Variants in SCAF4 observed in about 807,000 individuals in gnomAD.
The protein encoded by SCAF4 is SR-related CTD associated factor 4.
A neutral mutation model predicts 129.8 loss-of-function variants in SCAF4; 25 were observed. The observed-to-expected ratio is 0.19, with a 90% confidence interval of 0.14 to 0.27. The LOEUF (loss-of-function observed/expected upper bound fraction) is 0.27. Among genes scored for constraint, SCAF4 ranks in the 10% least tolerant of loss-of-function variants. SCAF4 has a pLI of 1.00. For synonymous variants in SCAF4, 551 were observed against 497.7 expected, an observed-to-expected ratio of 1.11 and a Z score of -1.43; for missense variants, 1,246 against 1,457.1, an observed-to-expected ratio of 0.86 and a Z score of 2.36.
chr21:31,682,396 C>T (rs2050017835), intron 19 of SCAF4, among the ~76,000 whole-genome samples: 1 of 151,836 alleles, frequency 6.6e-6, no homozygotes, highest in Non-Finnish European at 1.5e-5. Context: ...AAAAAGTTTG[C>T]TTCCTCTGTC....
intron 11 of SCAF4, 41 bp from the exon 12 acceptor site, chr21:31,693,525 C>A (rs768699840): frequency 4.5e-5 from 59 of 1,301,730 alleles, no homozygotes; most frequent in Non-Finnish European, 5.9e-5. Context: ...AGCATATAGA[C>A]AAAAACCAGA....
At position 31,731,734 on chromosome 21, in the gene SCAF4, A is replaced by G. The variant is rs2051366389; in HGVS notation, c.-42T>C. The G allele has an allele frequency of 6.4e-7, 1 of 1,559,426 alleles. No homozygotes were observed. Among genetic ancestry groups the G allele is most frequent in the Non-Finnish European group, 8.6e-7 (1 of 1,160,334 alleles). Reference sequence around the variant, plus strand: ...CGGCTGCTCCGGGCCCGCCGGTCACATAGACCTCGCGCCGCGGCGGAGCGG... The same window carrying G: ...CGGCTGCTCCGGGCCCGCCGGTCACGTAGACCTCGCGCCGCGGCGGAGCGG... On this transcript the variant is annotated 5_prime_UTR_variant, in exon 1 of 20. An upstream start codon of the reference 5' UTR is lost. Coordinates refer to ENST00000286835, the MANE Select transcript of SCAF4 (RefSeq NM_020706.2).
intron 15 of SCAF4, among the ~76,000 whole-genome samples, chr21:31,690,235 A>G (rs897763937): frequency 6.6e-6 from 1 of 152,170 alleles, no homozygotes; most frequent in Non-Finnish European, 1.5e-5. Context: ...CTGTAATGCC[A>G]ACTCTATGGG....
intron 1 of SCAF4, among the ~76,000 whole-genome samples, chr21:31,726,351 C>T (rs1259341621): frequency 6.6e-6 from 1 of 152,128 alleles, no homozygotes; most frequent in African/African-American, 2.4e-5. Context: ...GGCGGTGGCC[C>T]TTAACCTTTA....
At chr21:31,699,736 TCAAA>T (rs2050476548) in intron 7 of SCAF4, among the ~76,000 whole-genome samples, 1 of 152,234 alleles carries the variant, frequency 6.6e-6, no homozygotes, top group African/African-American at 2.4e-5. Context: ...GTTCTGATTT[TCAAA>T]CTTTTGAGTT....
chr21:31,684,154 A>T (rs1409128338), intron 19 of SCAF4: 1 of 153,516 alleles, frequency 6.5e-6, no homozygotes, highest in Non-Finnish European at 1.5e-5. Context: ...TCTTTCCTAA[A>T]ACAACTCAGA....
In SCAF4 at chr21:31,702,320, A is replaced by T. The variant is rs2202128; in HGVS notation, c.381T>A (p.Ile127=). 11 of 1,613,956 alleles carry T rather than the reference A, an allele frequency of 6.8e-6. No individual in the cohort carries two copies. The highest frequency in any genetic ancestry group is 1.7e-5 in the Admixed American group (1 of 60,000). ...CTGCCATGTCCAAAAGAGGTTGAAT[A>T]ATTTCAATTTTGAACACTCCATTTT... ...WQKNGVFKIE[I]IQPLLDMAAG... The change falls in exon 5 of 20, where the codon ATT becomes ATA. Residue 127 remains isoleucine, a synonymous_variant. Transcript: ENST00000286835.
chr21:31,712,540 T>C (rs1445023709), intron 1 of SCAF4, among the ~76,000 whole-genome samples: 2 of 142,874 alleles, frequency 1.4e-5, no homozygotes, highest in African/African-American at 5.3e-5. Context: ...TTTTTTTTTT[T>C]TTTTTGAGAC....
intron 7 of SCAF4, among the ~76,000 whole-genome samples, chr21:31,700,062 G>C (rs778913117): frequency 1.3e-5 from 2 of 151,822 alleles, no homozygotes; most frequent in African/African-American, 4.8e-5. Flanking sequence ...CTGGGGCCAA[G>C]CAACCCACCC....
chr21:31,684,923 G>A, intron 19 of SCAF4, 126 bp downstream of exon 19: 2 of 584,522 alleles, frequency 3.4e-6, no homozygotes, highest in South Asian at 4.1e-5. Flanking sequence ...AACCAAAAAA[G>A]CCAGTCTTGG....
intron 1 of SCAF4, among the ~76,000 whole-genome samples, chr21:31,714,192 G>C (rs764102931): frequency 6.6e-6 from 1 of 152,022 alleles, no homozygotes; most frequent in Admixed American, 6.6e-5. Flanking sequence ...GGAATGACTC[G>C]TACTATGTCA....
chr21:31,710,354 G>C (rs1316126826), intron 1 of SCAF4, among the ~76,000 whole-genome samples: 1 of 151,990 alleles, frequency 6.6e-6, no homozygotes, highest in Admixed American at 6.6e-5. Context: ...TTCGAGACCG[G>C]CCTGGCCAAC....
intron 8 of SCAF4, 126 bp downstream of exon 8, chr21:31,696,443 A>T: frequency 6.6e-6 from 7 of 1,057,230 alleles, no homozygotes; most frequent in Non-Finnish European, 9.2e-6. Context: ...TCAAGAGAAA[A>T]CTAATACCAC....
intron 6 of SCAF4, 31 bp downstream of exon 6, chr21:31,701,745 A>G (rs938389922): frequency 1.3e-6 from 2 of 1,586,122 alleles, no homozygotes; most frequent in Non-Finnish European, 1.7e-6. Flanking sequence ...CTAGTCCTGC[A>G]AACAATTTCA....
At chr21:31,726,054 T>C (rs2051194423) in intron 1 of SCAF4, among the ~76,000 whole-genome samples, 1 of 151,862 alleles carries the variant, frequency 6.6e-6, no homozygotes, top group South Asian at 2.1e-4. Context: ...CTTAACTTTT[T>C]TTTTTTTTTG....
intron 1 of SCAF4, among the ~76,000 whole-genome samples, chr21:31,717,930 CACACACACACACACACAT>C (rs2050975551): frequency 6.2e-5 from 9 of 145,096 alleles, no homozygotes; most frequent in African/African-American, 2.2e-4. Context: ...CACACACACA[CACACACACACACACACAT>C]ATATATTTTT....
Position 31,702,106 on chromosome 21 carries a change from A to G in SCAF4, c.457+138T>C, listed in dbSNP as rs1484502436. 2.2e-6 allele frequency: 3 copies of G among 1,347,642 alleles called. No homozygotes were observed. The African/African-American group carries it at 4.5e-5, about 20-fold the overall frequency. 83.5% of individuals were successfully genotyped at this position (1,347,642 alleles called of 1,614,324 possible). ...CCTTTATTATAAATAGGAATTATGG[A>G]AAGAAAATCATACCTTCCAAGATGT... On this transcript the variant is annotated intron_variant, in intron 5 of 19. Transcript: ENST00000286835.
intron 16 of SCAF4, among the ~76,000 whole-genome samples, chr21:31,686,877 A>G (rs999563771): frequency 3.3e-5 from 5 of 152,204 alleles, no homozygotes; most frequent in Admixed American, 6.5e-5. Context: ...CTTCCACTCC[A>G]GTCCATGGAA....
chr21:31,687,103 T>C (rs2050144382), intron 16 of SCAF4, among the ~76,000 whole-genome samples: 1 of 152,108 alleles, frequency 6.6e-6, no homozygotes, highest in Non-Finnish European at 1.5e-5. Flanking sequence ...CATACAGTTT[T>C]CCCCTCACAT....
Sources: allele counts gnomAD v4.1 joint callset (sites outside exome capture counted in the v4.1 genomes callset), GRCh38; gene constraint gnomAD v4.1.1; transcripts MANE v1.5; gene names NCBI Gene and HGNC (gene_info 2026-07-23, HGNC 2026-07-21).